MUCL1: variants seen among roughly 807,000 people sequenced by gnomAD.
The protein encoded by MUCL1 is mucin like 1.
MUCL1 carries 11 observed loss-of-function variants against 9.2 expected under a neutral mutation model. That is an observed-to-expected ratio of 1.19 (90% CI 0.75 to 1.97). MUCL1 has a LOEUF of 1.97. Ranked by LOEUF, MUCL1 falls within the 30% of genes most tolerant of loss-of-function variation. The probability of loss-of-function intolerance (pLI) is 0.00; values close to 1 mark genes in which losing one functional copy is unlikely to be tolerated. For synonymous variants in MUCL1, 48 were observed against 40.5 expected (o/e 1.19, Z -0.71); for missense variants, 144 against 110.9 (o/e 1.30, Z -1.34).
chr12:54,848,026 C>CT (rs35409980), intron 1 of MUCL1, among the ~76,000 whole-genome samples: 5,652 of 135,536 alleles, frequency 0.042, 229 homozygotes, highest in African/African-American at 0.11. Flanking sequence ...CATCTCAATT[C>CT]TTTTTTTTTT....
chr12:54,837,656 C>A (rs977341803), upstream of MUCL1, among the ~76,000 whole-genome samples: 6 of 152,114 alleles, frequency 3.9e-5, no homozygotes, highest in Admixed American at 2.0e-4. Context: ...GTAGTCCCAG[C>A]TACTCGGGAG....
At chr12:54,847,354 G>A (rs770119439) in intron 1 of MUCL1, among the ~76,000 whole-genome samples, 78 of 152,192 alleles carry the variant, frequency 5.1e-4, no homozygotes, top group Admixed American at 9.8e-4. Flanking sequence ...AGTGGCTCAC[G>A]CCTGTAATCC....
upstream of MUCL1, among the ~76,000 whole-genome samples, chr12:54,835,409 C>A (rs1286699352): frequency 6.6e-6 from 1 of 152,100 alleles, no homozygotes. Flanking sequence ...CACCTCTACA[C>A]CAACATCTAC....
chr12:54,846,506 A>T (rs1463232428), intron 1 of MUCL1, among the ~76,000 whole-genome samples: 5 of 152,198 alleles, frequency 3.3e-5, no homozygotes, highest in Non-Finnish European at 7.3e-5. Flanking sequence ...GTTTGTTCCC[A>T]GGTTTCCAGC....
At chr12:54,856,740 C>G (rs1167108418) in intron 2 of MUCL1, 30 bp from the exon 3 acceptor site, 1 of 1,581,274 alleles carries the variant, frequency 6.3e-7, no homozygotes, top group Non-Finnish European at 8.6e-7. Flanking sequence ...AGGAGTCAGT[C>G]TCACCTAGAG....
At chr12:54,849,865 A>G (rs189992931), upstream of MUCL1, among the ~76,000 whole-genome samples, 3 of 152,282 alleles carry the variant, frequency 2.0e-5, no homozygotes, top group East Asian at 5.8e-4. Context: ...ATCAAAATCC[A>G]ATAACTTCAG....
chr12:54,841,570 G>A (rs1251697020), intron 1 of MUCL1, among the ~76,000 whole-genome samples: 1 of 152,130 alleles, frequency 6.6e-6, no homozygotes, highest in Admixed American at 6.5e-5. Flanking sequence ...TTGTGGTTTT[G>A]ATTTGCATTT....
At chr12:54,844,310 A>C (rs2135942172) in intron 1 of MUCL1, among the ~76,000 whole-genome samples, 1 of 152,258 alleles carries the variant, frequency 6.6e-6, no homozygotes, top group Non-Finnish European at 1.5e-5. Context: ...GGTAATGCAA[A>C]TTAAGGTTTC....
rs2306850 is a variant in MUCL1, at chr12:54,854,529, C to A, written c.-54C>A. Reference sequence around the variant, plus strand: ...AATCCTGAAGTCAGCGCCTTGCCTTCTCTTAGGCTTTGAAGCATTTTTGTC... The same window carrying A: ...AATCCTGAAGTCAGCGCCTTGCCTTATCTTAGGCTTTGAAGCATTTTTGTC... On this transcript the variant is annotated 5_prime_UTR_variant, in exon 1 of 4. Transcript: ENST00000308796. 7.3e-4 allele frequency: 1,084 copies of A among 1,487,096 alleles called. 14 individuals are homozygous for A. In the East Asian group the frequency reaches 0.022, roughly 30 times the overall value. 92.1% of individuals were successfully genotyped at this position (1,487,096 alleles called of 1,614,324 possible).
chr12:54,844,207 T>A (rs1173879900), intron 1 of MUCL1, among the ~76,000 whole-genome samples: 1 of 152,194 alleles, frequency 6.6e-6, no homozygotes, highest in Non-Finnish European at 1.5e-5. Context: ...TTTCAAATTT[T>A]AGGTAGAAAG....
chr12:54,837,394 A>G (rs1243275745), upstream of MUCL1, among the ~76,000 whole-genome samples: 1 of 152,050 alleles, frequency 6.6e-6, no homozygotes, highest in African/African-American at 2.4e-5. Flanking sequence ...TATCTGATAT[A>G]AGAATAGCTA....
intron 1 of MUCL1, among the ~76,000 whole-genome samples, chr12:54,843,231 T>C (rs1331959928): frequency 1.3e-5 from 2 of 152,238 alleles, no homozygotes; most frequent in Non-Finnish European, 2.9e-5. Flanking sequence ...AGGAGAATGC[T>C]TTTGATGCTT....
chr12:54,839,535 C>G, intron 1 of MUCL1: 1 of 699,808 alleles, frequency 1.4e-6, no homozygotes. Flanking sequence ...GCACTGAGGT[C>G]TTTTCATTGG....
In MUCL1 at chr12:54,858,230, AGT is replaced by A; in HGVS notation, c.266_267del (p.Cys89SerfsTer21). 11 of 1,613,508 alleles carry A rather than the reference AGT, an allele frequency of 6.8e-6. No homozygotes were observed. Among genetic ancestry groups the A allele is most frequent in the Non-Finnish European group, 9.3e-6 (11 of 1,179,606 alleles). ...GGGTTGGGGATCTCCCGAATGGTAG[AGT>A]GTGTCCCTGAGATGGAATCAGCTTG... The part of the protein sequence containing the change: ...KWVGDLPNGR[V>X]CP On this transcript the variant is annotated frameshift_variant, in exon 4 of 4. Coordinates refer to ENST00000308796, the MANE Select transcript of MUCL1 (RefSeq NM_058173.3). LOFTEE classifies it high-confidence loss of function.
intron 1 of MUCL1, among the ~76,000 whole-genome samples, chr12:54,848,018 T>G (rs1023071319): frequency 1.6e-5 from 2 of 123,774 alleles, no homozygotes; most frequent in African/African-American, 6.1e-5. Context: ...CTTCCCTTCA[T>G]CTCAATTCTT....
chr12:54,856,857 C>T lies in MUCL1; in HGVS notation c.188C>T (p.Thr63Ile). The change falls in exon 3 of 4, where the codon ACC (threonine) becomes ATC (isoleucine). Residue 63 changes from threonine (T) to isoleucine (I), a missense_variant. Coordinates refer to ENST00000308796, the MANE Select transcript of MUCL1 (RefSeq NM_058173.3). ...ATTAAPTTAT[T>I]AASTTARKDI... ...ACTGCTGCTCCTACCACTGCAACCA[C>T]CGCTGCTTCTACCACTGCTCGTAAA... The T allele has an allele frequency of 6.2e-7, 1 of 1,612,928 alleles. No individual in the cohort carries two copies. The highest frequency in any genetic ancestry group is 1.1e-5 in the South Asian group (1 of 91,028).
At chr12:54,838,047 GTGGTTCTATTC>G (rs1356626702), upstream of MUCL1, among the ~76,000 whole-genome samples, 4 of 152,276 alleles carry the variant, frequency 2.6e-5, no homozygotes, top group South Asian at 6.2e-4. Flanking sequence ...TATGCTTCAA[GTGGTTCTATTC>G]TGGTGCATAT....
chr12:54,848,371 T>A (rs914502455), intron 1 of MUCL1, among the ~76,000 whole-genome samples: 1 of 152,126 alleles, frequency 6.6e-6, no homozygotes, highest in Non-Finnish European at 1.5e-5. Context: ...ATAGATATGA[T>A]TTTTGTGTGG....
At chr12:54,856,693 T>A (rs1868301832) in intron 2 of MUCL1, 77 bp from the exon 3 acceptor site, 2 of 1,532,572 alleles carry the variant, frequency 1.3e-6, no homozygotes, top group Non-Finnish European at 1.8e-6. Context: ...ATGAGGAATG[T>A]ATGTCTACCC....
Sources: allele counts gnomAD v4.1 joint callset (sites outside exome capture counted in the v4.1 genomes callset), GRCh38; gene constraint gnomAD v4.1.1; transcripts MANE v1.5; gene names NCBI Gene and HGNC (gene_info 2026-07-23, HGNC 2026-07-21).